FARS2: variants seen among roughly 807,000 people sequenced by gnomAD.
FARS2 encodes the protein phenylalanine--tRNA ligase, mitochondrial.
FARS2 carries 40 observed loss-of-function variants against 46.4 expected under a neutral mutation model. The ratio of observed to expected loss-of-function variants is 0.86; its 90% confidence interval spans 0.67 to 1.12. The LOEUF (loss-of-function observed/expected upper bound fraction) is 1.12, where lower values mean the gene tolerates loss of function less well. FARS2 is among the 50% of genes most tolerant of loss of function. The probability of loss-of-function intolerance (pLI) is 0.00; values close to 1 mark genes in which losing one functional copy is unlikely to be tolerated. For missense variants in FARS2, 513 were observed against 567.9 expected (o/e 0.90, Z 0.98); for synonymous variants, 234 against 214.9 (o/e 1.09, Z -0.78).
rs535133829 is a variant in FARS2 at position 5,395,050 on chromosome 6, C to CA, written c.613-9491dup. ...TCTTTTCTAGCTGAATGACCGTCAA[C>CA]ATTGTGCTGATTGGTTTTGAGACAG... On this transcript the variant is annotated intron_variant, in intron 2 of 6. Transcript: ENST00000274680. Among the ~76,000 whole-genome samples, 898 of 152,114 alleles carry CA rather than the reference C, an allele frequency of 5.9e-3. 10 individuals carry two copies. Among genetic ancestry groups the CA allele is most frequent in the Middle Eastern group, 0.027 (8 of 294 alleles).
chr6:5,587,435 G>A (rs1296314847), intron 5 of FARS2, among the ~76,000 whole-genome samples: 1 of 152,152 alleles, frequency 6.6e-6, no homozygotes, highest in African/African-American at 2.4e-5. Context: ...TTTCAAAAAT[G>A]TAAGGTTTGC....
chr6:5,410,132 G>T (rs1421235415), intron 3 of FARS2, among the ~76,000 whole-genome samples: 1 of 149,092 alleles, frequency 6.7e-6, no homozygotes, highest in Non-Finnish European at 1.5e-5. Flanking sequence ...GAAGAAAAGT[G>T]CTTTGTTCGT....
At chr6:5,477,202 A>T (rs1766174363) in intron 4 of FARS2, among the ~76,000 whole-genome samples, 1 of 152,194 alleles carries the variant, frequency 6.6e-6, no homozygotes, top group Admixed American at 6.5e-5. Context: ...AAACCAAGTA[A>T]AGACCTTGAC....
At chr6:5,307,214 C>A (rs1478509997) in intron 1 of FARS2, among the ~76,000 whole-genome samples, 7 of 152,156 alleles carry the variant, frequency 4.6e-5, no homozygotes, top group Non-Finnish European at 1.0e-4. Context: ...ATGGCTCAGT[C>A]CTTTACTTAT....
At chr6:5,251,163 T>C in the FARS2 span, among the ~76,000 whole-genome samples, 1 of 152,316 alleles carries the variant, frequency 6.6e-6, no homozygotes, top group East Asian at 1.9e-4. Context: ...GGTTCTAGTG[T>C]GGTAATATAT....
At chr6:5,253,136 C>T in the FARS2 span, among the ~76,000 whole-genome samples, 38 of 152,188 alleles carry the variant, frequency 2.5e-4, no homozygotes, top group Middle Eastern at 3.2e-3. Flanking sequence ...GTGTATAACA[C>T]ATTAATAAAA....
At chr6:5,283,200 C>A (rs1766862297) in intron 1 of FARS2, among the ~76,000 whole-genome samples, 1 of 151,970 alleles carries the variant, frequency 6.6e-6, no homozygotes, top group Admixed American at 6.6e-5. Context: ...TGAAGAAACC[C>A]CATCTCTACT....
At chr6:5,272,515 CTTTT>C (rs1581661861) in intron 1 of FARS2, 2 of 151,794 alleles carry the variant, frequency 1.3e-5, no homozygotes, top group Non-Finnish European at 2.9e-5. Flanking sequence ...GTCTCAGATT[CTTTT>C]ATTTATTTAT....
chr6:5,732,823 A>AAAAAC (rs1394883913), intron 6 of FARS2, among the ~76,000 whole-genome samples: 2 of 152,038 alleles, frequency 1.3e-5, no homozygotes, highest in African/African-American at 4.8e-5. Context: ...AAAAAAAAAA[A>AAAAAC]AATCAGGCAT....
intron 4 of FARS2, among the ~76,000 whole-genome samples, chr6:5,446,809 T>G (rs762546740): frequency 6.6e-5 from 10 of 152,140 alleles, no homozygotes; most frequent in Admixed American, 2.6e-4. Context: ...GGGAATGAAT[T>G]AACACAGCCA....
chr6:5,312,468 T>C (rs1769145340), intron 1 of FARS2, among the ~76,000 whole-genome samples: 1 of 152,190 alleles, frequency 6.6e-6, no homozygotes, highest in South Asian at 2.1e-4. Context: ...AGAGAATACG[T>C]TAACAGTGGT....
intron 3 of FARS2, among the ~76,000 whole-genome samples, chr6:5,430,494 A>T (rs1489229091): frequency 1.3e-5 from 2 of 152,038 alleles, no homozygotes; most frequent in Non-Finnish European, 2.9e-5. Flanking sequence ...GTTGGACTTT[A>T]AAAATGTTTT....
At chr6:5,675,396 A>G (rs993305108) in intron 6 of FARS2, among the ~76,000 whole-genome samples, 17 of 152,202 alleles carry the variant, frequency 1.1e-4, no homozygotes, top group Non-Finnish European at 2.1e-4. Flanking sequence ...ACTTCTTTTC[A>G]ATGGAAACTT....
At chr6:5,250,465 C>A in the FARS2 span, among the ~76,000 whole-genome samples, 42 of 152,260 alleles carry the variant, frequency 2.8e-4, no homozygotes, top group South Asian at 7.9e-3. Context: ...GTTAACCGTA[C>A]TATTTTTATT....
At chr6:5,543,368 T>C (rs1287087101) in intron 4 of FARS2, among the ~76,000 whole-genome samples, 1 of 128,596 alleles carries the variant, frequency 7.8e-6, no homozygotes, top group Non-Finnish European at 1.6e-5. Context: ...TTTTCTGTTG[T>C]TGGTGGTGGT....
At chr6:5,472,446 G>A (rs532176812) in intron 4 of FARS2, among the ~76,000 whole-genome samples, 22 of 152,138 alleles carry the variant, frequency 1.4e-4, no homozygotes, top group South Asian at 6.2e-4. Flanking sequence ...AGGAAAAATG[G>A]GAAAACAAAA....
rs1290787731 is a variant in FARS2, at chr6:5,727,045, T to A, written c.1218-44246T>A. Among the ~76,000 whole-genome samples, 1 of 152,228 alleles carries A rather than the reference T, an allele frequency of 6.6e-6. No homozygotes were observed. The highest frequency in any genetic ancestry group is 1.5e-5 in the Non-Finnish European group (1 of 68,032). ...CCTTGGGTCAGATACTTGGCCTCAT[T>A]GAGCTTCACTTCCACCGTCTGTAAA... On this transcript the variant is annotated intron_variant, in intron 6 of 6. Transcript: ENST00000274680. This position sits in a 1 kb window ranked among gnomAD's most constrained non-coding sequence, Gnocchi z 4.1.
At chr6:5,581,991 G>A (rs6597145) in intron 5 of FARS2, among the ~76,000 whole-genome samples, 28,244 of 63,710 alleles carry the variant, frequency 0.44, 5,588 homozygotes, top group Non-Finnish European at 0.49. Context: ...AGATACTTCC[G>A]GTTAATTCCT....
In FARS2 at chr6:5,366,376, C is replaced by T. The variant is rs572472190; in HGVS notation, c.-21-2174C>T. On this transcript the variant is annotated intron_variant, in intron 1 of 6. Coordinates refer to ENST00000274680, the MANE Select transcript of FARS2 (RefSeq NM_006567.5). ...ATGATATATTTCTTATAGAGAAATTCGATAGAGGTAGAAGGAAAGGAAGTC... is the reference window on the plus strand; with the variant it reads ...ATGATATATTTCTTATAGAGAAATTTGATAGAGGTAGAAGGAAAGGAAGTC... 5.3e-5 allele frequency among the ~76,000 whole-genome samples: 8 copies of T among 151,958 alleles called. No homozygotes were observed. The East Asian group carries it at 9.6e-4, about 18-fold the overall frequency.
Sources: allele counts gnomAD v4.1 joint callset (sites outside exome capture counted in the v4.1 genomes callset), GRCh38; gene constraint gnomAD v4.1.1; non-coding constraint Gnocchi (gnomAD v3.1); transcripts MANE v1.5; gene names NCBI Gene and HGNC (gene_info 2026-07-23, HGNC 2026-07-21).